The following ESPNL variants were observed in gnomAD, a reference collection of about 807,000 sequenced individuals.
ESPNL encodes espin-like protein.
Under a neutral mutation model 46.8 loss-of-function variants are expected in ESPNL, and 49 were observed. That is an observed-to-expected ratio of 1.05 (90% CI 0.83 to 1.33). ESPNL has a LOEUF of 1.33. ESPNL is among the 40% of genes most tolerant of loss of function. The probability of loss-of-function intolerance (pLI) is 0.00; values close to 1 mark genes in which losing one functional copy is unlikely to be tolerated. For synonymous variants in ESPNL, 664 were observed against 662.1 expected, an observed-to-expected ratio of 1.00 and a Z score of -0.04; for missense variants, 1,540 against 1,436.6, an observed-to-expected ratio of 1.07 and a Z score of -1.16.
chr2:238,121,979 C>G (rs996566227), intron 5 of ESPNL, among the ~76,000 whole-genome samples: 1 of 152,228 alleles, frequency 6.6e-6, no homozygotes, highest in Non-Finnish European at 1.5e-5. Context: ...TCTCTCTGAC[C>G]GGGTGGCATT....
intron 5 of ESPNL, among the ~76,000 whole-genome samples, chr2:238,122,338 G>A (rs1051185125): frequency 2.0e-5 from 3 of 152,214 alleles, no homozygotes; most frequent in Admixed American, 6.5e-5. Flanking sequence ...TCCTAATACC[G>A]AGGGTGGCAG....
chr2:238,109,084 G>C (rs1005491133), intron 4 of ESPNL, among the ~76,000 whole-genome samples: 2 of 152,190 alleles, frequency 1.3e-5, no homozygotes, highest in Non-Finnish European at 2.9e-5. Flanking sequence ...GATAGGAAGT[G>C]GGGGGAGGGG....
rs1692358314 is a variant in ESPNL, at chr2:238,132,195, C to T, written c.*463C>T. ...TTCTCCTGCTGACCTTGGGTCACACCCCTTCACCTCCCATCTGTGAATTTG... is the reference window on the plus strand; with the variant it reads ...TTCTCCTGCTGACCTTGGGTCACACTCCTTCACCTCCCATCTGTGAATTTG... On this transcript the variant is annotated 3_prime_UTR_variant, in exon 9 of 9. Coordinates refer to ENST00000343063, the MANE Select transcript of ESPNL (RefSeq NM_194312.4). 1 of 159,882 alleles carries T rather than the reference C, an allele frequency of 6.3e-6. No individual in the cohort carries two copies. 9.9% of individuals were successfully genotyped at this position (159,882 alleles called of 1,614,324 possible).
chr2:238,104,050 G>C (rs779267779), intron 2 of ESPNL, among the ~76,000 whole-genome samples: 1 of 152,180 alleles, frequency 6.6e-6, no homozygotes, highest in Non-Finnish European at 1.5e-5. Flanking sequence ...TATCAGAAGT[G>C]GGGAGCAGGT....
chr2:238,125,258 A>T lies in ESPNL; in HGVS notation c.988-12A>T. On this transcript the variant is annotated splice_polypyrimidine_tract_variant and intron_variant, in intron 5 of 8. Transcript: ENST00000343063. The stretch of plus-strand genomic sequence containing the variant: ...CGGGGGTCCCCCACTGACCAGGCCC[A>T]TTCACCCACAGGTGCCCCTGCTGAT... 7.0e-7 allele frequency: 1 copy of T among 1,425,936 alleles called. No homozygotes were observed. The highest frequency in any genetic ancestry group is 9.5e-7 in the Non-Finnish European group (1 of 1,057,680). The allele number at this position is 1,425,936 out of a possible 1,614,324, so 88.3% of individuals were successfully genotyped here.
Position 238,117,005 on chromosome 2 carries a change from G to T in ESPNL, c.958G>T (p.Ala320Ser). 1.2e-6 allele frequency: 2 copies of T among 1,611,956 alleles called. No individual in the cohort carries two copies. The highest frequency in any genetic ancestry group is 1.7e-6 in the Non-Finnish European group (2 of 1,179,566). Residue 320 changes from alanine (A) to serine (S), a missense_variant, in exon 5 of 9, where the codon GCC (alanine) becomes TCC (serine). Ala to Ser is a moderately conservative substitution (Grantham distance 99). Transcript: ENST00000343063. ...LAEYHGHRDCAQYLREVAQPV... is the reference protein window; with the variant it reads ...LAEYHGHRDCSQYLREVAQPV... ...GGAGTACCATGGACACCGGGACTGC[G>T]CCCAGTACCTGCGGGAGGTGGCCCA...
Position 238,131,206 on chromosome 2 carries a change from G to T in ESPNL, c.2492G>T (p.Arg831Leu), listed in dbSNP as rs751400186. 1.9e-6 allele frequency: 3 copies of T among 1,545,818 alleles called. 1 individual carries two copies. In the African/African-American group the frequency reaches 4.1e-5, roughly 21 times the overall value. Residue 831 changes from arginine to leucine, a missense_variant, in exon 9 of 9, where the codon CGC becomes CTC. Transcript: ENST00000343063. ...RQLRRLSRQP[R>L]GALSPEQFLP... is the part of the protein sequence containing the mutation. ...CTGCGGCGGCTGAGCCGGCAGCCCC[G>T]CGGGGCTTTGTCCCCCGAGCAGTTC... is the stretch of plus-strand genomic sequence containing the variant.
Position 238,104,813 on chromosome 2 carries a change from C to G in ESPNL, c.643C>G (p.Arg215Gly), listed in dbSNP as rs141363734. ...GMSALHAAAA[R>G]GHYSLVVWLV... The stretch of plus-strand genomic sequence containing the variant: ...GAGCGCCCTGCACGCTGCCGCCGCC[C>G]GTGGCCACTACTCCCTCGTCGTCTG... The change falls in exon 3 of 9, where the codon CGT becomes GGT. Residue 215 changes from arginine to glycine, a missense_variant. Arg to Gly is a moderately radical substitution (Grantham distance 125). Coordinates refer to ENST00000343063, the MANE Select transcript of ESPNL (RefSeq NM_194312.4). 5.8e-6 allele frequency: 9 copies of G among 1,550,140 alleles called. No homozygotes were observed. In the African/African-American group the frequency reaches 9.5e-5, roughly 16 times the overall value.
chr2:238,112,275 C>A (rs983249372), intron 4 of ESPNL, among the ~76,000 whole-genome samples: 2 of 151,866 alleles, frequency 1.3e-5, no homozygotes, highest in African/African-American at 4.8e-5. Context: ...TTCTAGGAAT[C>A]AAATTTGTCT....
chr2:238,130,455 G>A lies in ESPNL; in HGVS notation c.1741G>A (p.Glu581Lys). 1.2e-6 allele frequency: 2 copies of A among 1,603,380 alleles called. No individual in the cohort carries two copies. Among genetic ancestry groups the A allele is most frequent in the Non-Finnish European group, 1.7e-6 (2 of 1,175,460 alleles). ...AEPAGSAEASEVAPGVQPLPF... is the reference protein window; with the variant it reads ...AEPAGSAEASKVAPGVQPLPF... ...GCCCGCAGGGTCTGCGGAGGCCTCA[G>A]AGGTGGCCCCCGGGGTGCAGCCCCT... is the stretch of plus-strand genomic sequence containing the variant. Residue 581 changes from glutamate (E) to lysine (K), a missense_variant, in exon 9 of 9, where the codon GAG (glutamate) becomes AAG (lysine). Coordinates refer to ENST00000343063, the MANE Select transcript of ESPNL (RefSeq NM_194312.4).
rs747626308 is a variant in ESPNL, at chr2:238,125,418, C to T, written c.1102+34C>T. The T allele has an allele frequency of 3.7e-6, 5 of 1,333,998 alleles. No homozygotes were observed. In the East Asian group the frequency reaches 1.4e-4, roughly 38 times the overall value. The allele number at this position is 1,333,998 out of a possible 1,614,324, so 82.6% of individuals were successfully genotyped here. On this transcript the variant is annotated intron_variant, in intron 6 of 8. Transcript: ENST00000343063. The stretch of plus-strand genomic sequence containing the variant: ...ACAGCCCCAAGTGGGCCACCCAGGG[C>T]ATGGGCCTGGGAGAGGGTGCCACTG...
chr2:238,101,357 T>C (rs1400819772), intron 1 of ESPNL, among the ~76,000 whole-genome samples: 1 of 152,200 alleles, frequency 6.6e-6, no homozygotes, highest in Non-Finnish European at 1.5e-5. Context: ...CCCCAGCACC[T>C]GGCTCGCCAG....
intron 5 of ESPNL, among the ~76,000 whole-genome samples, chr2:238,124,731 AGGAGAGTACATGCATG>A (rs1559265859): frequency 2.7e-5 from 3 of 112,584 alleles, no homozygotes; most frequent in Non-Finnish European, 5.4e-5. Context: ...GCATGTGTGC[AGGAGAGTACATGCATG>A]TGTGTGCAGG....
intron 4 of ESPNL, among the ~76,000 whole-genome samples, chr2:238,110,106 A>G (rs1691684784): frequency 6.7e-6 from 1 of 149,330 alleles, no homozygotes; most frequent in Admixed American, 6.6e-5. Context: ...CCAGGATCCC[A>G]TTTAAGGTGC....
intron 5 of ESPNL, among the ~76,000 whole-genome samples, chr2:238,117,310 A>G (rs1370388370): frequency 6.6e-6 from 1 of 152,204 alleles, no homozygotes; most frequent in African/African-American, 2.4e-5. Flanking sequence ...AGGGGCTGTA[A>G]CAGGGGTCAG....
At position 238,129,006 on chromosome 2, in the gene ESPNL, A is replaced by T. The variant is rs551308459; in HGVS notation, c.1413+102A>T. 1.9e-4 allele frequency: 276 copies of T among 1,452,476 alleles called. 1 individual carries two copies. In the African/African-American group the frequency reaches 3.5e-3, roughly 18 times the overall value. 90.0% of individuals were successfully genotyped at this position (1,452,476 alleles called of 1,614,324 possible). On this transcript the variant is annotated intron_variant, in intron 8 of 8. Transcript: ENST00000343063. ...CCCGAAGCCCAGAACTGAATCCAAGACCCAGGGGCCCCTCTCCTCTGTGGC... is the reference window on the plus strand; with the variant it reads ...CCCGAAGCCCAGAACTGAATCCAAGTCCCAGGGGCCCCTCTCCTCTGTGGC...
At chr2:238,115,738 C>T (rs1486860117) in intron 4 of ESPNL, among the ~76,000 whole-genome samples, 3 of 152,210 alleles carry the variant, frequency 2.0e-5, no homozygotes, top group African/African-American at 7.2e-5. Context: ...AGTGGTGCCA[C>T]CTTGGCTCAC....
chr2:238,118,769 ATGGAGGAGGGGAGATGGAGGAGGGTGG>A, intron 5 of ESPNL, among the ~76,000 whole-genome samples: 1 of 40,720 alleles, frequency 2.5e-5, no homozygotes, highest in African/African-American at 2.6e-4. Flanking sequence ...AGGAGGGTGG[ATGGAGGAGGGGAGATGGAGGAGGGTGG>A]ATGGAGGAGG....
chr2:238,105,399 G>A (rs1213822385), intron 3 of ESPNL, among the ~76,000 whole-genome samples: 2 of 151,662 alleles, frequency 1.3e-5, no homozygotes, highest in African/African-American at 4.9e-5. Flanking sequence ...TGTAACCCCA[G>A]CTACTCGGGA....
Sources: allele counts gnomAD v4.1 joint callset (sites outside exome capture counted in the v4.1 genomes callset), GRCh38; gene constraint gnomAD v4.1.1; transcripts MANE v1.5; gene names NCBI Gene and HGNC (gene_info 2026-07-23, HGNC 2026-07-21).